Variants in DLG2 observed in about 807,000 individuals in gnomAD.
DLG2 encodes discs large MAGUK scaffold protein 2.
A neutral mutation model predicts 132.5 loss-of-function variants in DLG2; 45 were observed. The ratio of observed to expected loss-of-function variants is 0.34; its 90% CI spans 0.27 to 0.44. The LOEUF is 0.44. Among genes scored for constraint, DLG2 ranks in the 20% least tolerant of loss-of-function variants. DLG2 has a pLI of 1.00. For synonymous variants in DLG2, 424 were observed against 419.6 expected, an observed-to-expected ratio of 1.01 and a Z score of -0.13; for missense variants, 1,045 against 1,196.9, an observed-to-expected ratio of 0.87 and a Z score of 1.87.
At position 85,382,687 on chromosome 11, in the gene DLG2, C is replaced by A. The variant is rs530575985; in HGVS notation, c.41-97322G>T. On this transcript the variant is annotated intron_variant, in intron 3 of 27. Coordinates refer to ENST00000376104, the MANE Select transcript of DLG2 (RefSeq NM_001142699.3). ...TTTATTAAATGGGCAAATATTTGAACGGACAATTTGCCAGAGCAAATATAC... is the reference window on the plus strand; with the variant it reads ...TTTATTAAATGGGCAAATATTTGAAAGGACAATTTGCCAGAGCAAATATAC... Among the ~76,000 whole-genome samples the A allele has an allele frequency of 2.6e-5, 4 of 152,116 alleles. No homozygotes were observed. In the South Asian group the frequency reaches 6.2e-4, roughly 24 times the overall value.
chr11:84,278,788 A>C (rs2097817629), intron 7 of DLG2, among the ~76,000 whole-genome samples: 1 of 139,908 alleles, frequency 7.1e-6, no homozygotes, highest in Non-Finnish European at 1.5e-5. Context: ...TGTAATTATG[A>C]AATAGTAAAC....
At chr11:85,464,933 G>C (rs959975281) in intron 3 of DLG2, among the ~76,000 whole-genome samples, 8 of 151,264 alleles carry the variant, frequency 5.3e-5, no homozygotes, top group Non-Finnish European at 1.0e-4. Flanking sequence ...AATTATCTGG[G>C]CATGGTCACA....
intron 7 of DLG2, among the ~76,000 whole-genome samples, chr11:84,502,204 TTCCTTCCTTCCTTCCTTCCTTCCTTCC>T (rs2099211390): frequency 1.9e-4 from 1 of 5,276 alleles, no homozygotes; most frequent in Non-Finnish European, 3.3e-4. Context: ...CTCTCTCTCC[TTCCTTCCTTCCTTCCTTCCTTCCTTCC>T]TTCCTTCCTT....
At chr11:84,919,956 T>C (rs1368952665) in intron 6 of DLG2, among the ~76,000 whole-genome samples, 2 of 152,336 alleles carry the variant, frequency 1.3e-5, no homozygotes, top group African/African-American at 4.8e-5. Context: ...AATCATATTT[T>C]GTAAAAAGTT....
At chr11:83,703,811 T>C (rs750320741) in intron 18 of DLG2, among the ~76,000 whole-genome samples, 28 of 152,172 alleles carry the variant, frequency 1.8e-4, no homozygotes, top group Non-Finnish European at 3.2e-4. Context: ...TTATTTACAG[T>C]AGTGAAAAAT....
chr11:84,100,602 C>A (rs927534203), intron 9 of DLG2, among the ~76,000 whole-genome samples: 7 of 151,822 alleles, frequency 4.6e-5, no homozygotes, highest in Non-Finnish European at 1.0e-4. Context: ...CTTATTTAAC[C>A]AGTCCCTTGT....
rs182838471 is a variant in DLG2, at chr11:83,469,264, G to A, written c.2556C>T (p.Ala852=). The change falls in exon 25 of 28, where the codon GCC becomes GCT. Residue 852 remains alanine, a synonymous_variant. Transcript: ENST00000376104. ...KDIQEHKFIE[A]GQYNDNLYGT... ...CATATAAATTGTCATTGTACTGGCC[G>A]GCTTCTATAAACTTGTGCTCTTGGA... The A allele has an allele frequency of 7.3e-5, 117 of 1,613,630 alleles. No individual in the cohort carries two copies. The highest frequency in any genetic ancestry group is 7.2e-4 in the Admixed American group (43 of 59,940).
intron 18 of DLG2, among the ~76,000 whole-genome samples, chr11:83,713,485 G>T (rs1241732763): frequency 6.6e-6 from 1 of 152,180 alleles, no homozygotes; most frequent in African/African-American, 2.4e-5. Flanking sequence ...TAGGGTTCAT[G>T]TTCCTACGTG....
chr11:84,479,667 G>C (rs539380975), intron 7 of DLG2, among the ~76,000 whole-genome samples: 3 of 151,962 alleles, frequency 2.0e-5, no homozygotes, highest in African/African-American at 7.2e-5. Context: ...ACATGCAAAA[G>C]GAACAGTAGG....
At chr11:85,552,022 G>A (rs1281700377) in intron 3 of DLG2, among the ~76,000 whole-genome samples, 1 of 145,808 alleles carries the variant, frequency 6.9e-6, no homozygotes, top group African/African-American at 2.5e-5. Flanking sequence ...AGCAGGAACT[G>A]AGGCAGGATC....
chr11:84,308,120 TTC>T (rs763323882), intron 7 of DLG2, among the ~76,000 whole-genome samples: 4 of 152,284 alleles, frequency 2.6e-5, no homozygotes, highest in Middle Eastern at 3.4e-3. Context: ...CCTGCTTTTA[TTC>T]TCTTATCTGG....
chr11:85,545,075 A>C (rs1413092452), intron 3 of DLG2, among the ~76,000 whole-genome samples: 1 of 152,224 alleles, frequency 6.6e-6, no homozygotes, highest in Non-Finnish European at 1.5e-5. Context: ...GCTGGTTTTC[A>C]AAGGGAATGC....
chr11:84,064,074 G>T (rs1232852445), intron 10 of DLG2, among the ~76,000 whole-genome samples: 3 of 151,994 alleles, frequency 2.0e-5, no homozygotes, highest in Non-Finnish European at 2.9e-5. Context: ...TAACAAACCT[G>T]CATGTTGTGC....
intron 6 of DLG2, among the ~76,000 whole-genome samples, chr11:84,797,012 A>G (rs1429370602): frequency 6.6e-6 from 1 of 151,414 alleles, no homozygotes; most frequent in Non-Finnish European, 1.5e-5. Flanking sequence ...CACCTGGCTA[A>G]TTTTTTCTAT....
chr11:85,619,017 T>A (rs1160962593), intron 2 of DLG2, among the ~76,000 whole-genome samples: 1 of 152,250 alleles, frequency 6.6e-6, no homozygotes, highest in Non-Finnish European at 1.5e-5. Context: ...TCTCTACGTC[T>A]TCCTCACTAA....
At chr11:83,832,664 C>G (rs2054894681) in intron 17 of DLG2, among the ~76,000 whole-genome samples, 1 of 152,100 alleles carries the variant, frequency 6.6e-6, no homozygotes, top group African/African-American at 2.4e-5. Context: ...CTCTCACTAT[C>G]TGGGTAATGG....
At chr11:84,569,964 T>C (rs1484425053) in intron 6 of DLG2, among the ~76,000 whole-genome samples, 1 of 152,244 alleles carries the variant, frequency 6.6e-6, no homozygotes, top group Non-Finnish European at 1.5e-5. Context: ...TCTAACTAAT[T>C]ACCTGTGTTG....
chr11:83,970,459 A>G (rs950988531), intron 12 of DLG2, among the ~76,000 whole-genome samples: 1 of 152,308 alleles, frequency 6.6e-6, no homozygotes, highest in South Asian at 2.1e-4. Flanking sequence ...CTCAGTTTCT[A>G]TTTGGTGACT....
chr11:83,588,653 G>T (rs987752254), intron 19 of DLG2, among the ~76,000 whole-genome samples: 1 of 151,456 alleles, frequency 6.6e-6, no homozygotes, highest in South Asian at 2.1e-4. Context: ...TGACTTTGAC[G>T]AGCTGAGAGA....
Sources: gnomAD v4.1 joint callset for allele counts (sites outside exome capture counted in the v4.1 genomes callset) on GRCh38, gnomAD v4.1.1 for gene constraint, MANE v1.5 for transcripts, NCBI Gene and HGNC (gene_info 2026-07-23, HGNC 2026-07-21) for gene names.